The following AGBL3 variants were observed in gnomAD, a reference collection of about 807,000 sequenced individuals.
AGBL3 encodes the protein AGBL carboxypeptidase 3, also known as cytosolic carboxypeptidase 3.
Under a neutral mutation model 94.5 loss-of-function variants are expected in AGBL3, and 68 were observed. That is an observed-to-expected ratio of 0.72 (90% confidence interval 0.59 to 0.88). The LOEUF (loss-of-function observed/expected upper bound fraction) is 0.88. Among genes scored for constraint, AGBL3 ranks in the 40% least tolerant of loss-of-function variants. The pLI is 0.00. For missense variants in AGBL3, 934 were observed against 1,103.8 expected (o/e 0.85, Z 2.18); for synonymous variants, 354 against 370.7 (o/e 0.95, Z 0.52).
In AGBL3 at chr7:134,991,354, C is replaced by T. The variant is rs1025431104; in HGVS notation, c.124+2044C>T. ...TGGTTGCTTTCTTCCCTTCAGATTC[C>T]CTCCACACTGTAAGGACCCCTTTTC... On this transcript the variant is annotated intron_variant, in intron 3 of 16. Coordinates refer to ENST00000436302, the MANE Select transcript of AGBL3 (RefSeq NM_178563.4). Among the ~76,000 whole-genome samples the T allele has an allele frequency of 2.6e-5, 4 of 152,222 alleles. No homozygotes were observed. The South Asian group carries it at 8.3e-4, about 32-fold the overall frequency.
At chr7:135,121,259 T>C (rs1351065934) in intron 16 of AGBL3, among the ~76,000 whole-genome samples, 1 of 152,112 alleles carries the variant, frequency 6.6e-6, no homozygotes, top group Non-Finnish European at 1.5e-5. Flanking sequence ...CAAAAACTGA[T>C]AAAACAGAAA....
At chr7:135,098,368 C>G (rs1366812856) in intron 15 of AGBL3, among the ~76,000 whole-genome samples, 1 of 152,116 alleles carries the variant, frequency 6.6e-6, no homozygotes, top group Non-Finnish European at 1.5e-5. Context: ...ACTTATAATA[C>G]CTGATACAAT....
At chr7:135,091,805 T>C (rs112186571) in intron 15 of AGBL3, among the ~76,000 whole-genome samples, 7 of 152,296 alleles carry the variant, frequency 4.6e-5, no homozygotes, top group African/African-American at 9.6e-5. Flanking sequence ...TCTCTTAAAC[T>C]AGACTAGCTA....
At chr7:135,113,399 A>T (rs1479323550) in intron 15 of AGBL3, among the ~76,000 whole-genome samples, 1 of 152,170 alleles carries the variant, frequency 6.6e-6, no homozygotes, top group Admixed American at 6.5e-5. Flanking sequence ...TTTTCCTAGA[A>T]TATTTTAAAA....
chr7:135,070,012 AAT>A (rs1219143946), intron 12 of AGBL3, among the ~76,000 whole-genome samples: 1 of 152,208 alleles, frequency 6.6e-6, no homozygotes, highest in African/African-American at 2.4e-5. Flanking sequence ...AGAAGAATCA[AAT>A]AGACACAATA....
chr7:135,129,340 T>C lies in AGBL3; in HGVS notation c.2343-5501T>C, dbSNP rs116853510. On this transcript the variant is annotated intron_variant, in intron 16 of 16. Coordinates refer to ENST00000436302, the MANE Select transcript of AGBL3 (RefSeq NM_178563.4). ...TGTAAGGTGACTGCAGAGAAATTAA[T>C]AGACTTACTAAATGAATACCTGCAA... is the stretch of plus-strand genomic sequence containing the variant. 10,958 of 1,116,644 alleles carry C rather than the reference T, an allele frequency of 9.8e-3. 90 individuals carry two copies. Among genetic ancestry groups the C allele is most frequent in the Non-Finnish European group, 0.012 (8,480 of 727,736 alleles). 69.2% of individuals were successfully genotyped at this position (1,116,644 alleles called of 1,614,324 possible).
chr7:135,085,483 T>A (rs568408022), intron 15 of AGBL3, among the ~76,000 whole-genome samples: 2 of 152,190 alleles, frequency 1.3e-5, no homozygotes, highest in African/African-American at 2.4e-5. Context: ...TAGTTTGGGG[T>A]CTTACATTTA....
intron 1 of AGBL3, among the ~76,000 whole-genome samples, chr7:134,987,032 G>A (rs1033643769): frequency 6.6e-6 from 1 of 152,260 alleles, no homozygotes; most frequent in Non-Finnish European, 1.5e-5. Flanking sequence ...TGGAATTTAG[G>A]CCAGTCGGAT....
intron 16 of AGBL3, chr7:135,128,925 T>C: frequency 6.5e-7 from 1 of 1,530,594 alleles, no homozygotes; most frequent in Non-Finnish European, 9.1e-7. Flanking sequence ...TTTGTTCCTG[T>C]GCAATATCTG....
intron 6 of AGBL3, 150 bp from the exon 7 acceptor site, chr7:135,033,999 T>C: frequency 5.8e-6 from 4 of 690,920 alleles, no homozygotes; most frequent in Admixed American, 3.7e-5. Flanking sequence ...AAAACTTTTA[T>C]CGTTTACATT....
chr7:134,993,764 G>C, intron 4 of AGBL3, 86 bp downstream of exon 4: 1 of 1,141,716 alleles, frequency 8.8e-7, no homozygotes, highest in Non-Finnish European at 1.2e-6. Flanking sequence ...CACAATGTTA[G>C]AAAACAGCAC....
At position 134,997,345 on chromosome 7, in the gene AGBL3, G is replaced by A. The variant is rs1345625666; in HGVS notation, c.310+3667G>A. Among the ~76,000 whole-genome samples, 3 of 152,120 alleles carry A rather than the reference G, an allele frequency of 2.0e-5. No individual in the cohort carries two copies. In the East Asian group the frequency reaches 5.8e-4, roughly 29 times the overall value. On this transcript the variant is annotated intron_variant, in intron 4 of 16. Transcript: ENST00000436302. The stretch of plus-strand genomic sequence containing the variant: ...GTACTGGTCCATGGCCTCAGGGTTG[G>A]GGACACTTGCTATGCGGCAGGGTCC...
chr7:135,006,916 A>C (rs1401724524), intron 4 of AGBL3, among the ~76,000 whole-genome samples: 1 of 151,962 alleles, frequency 6.6e-6, no homozygotes, highest in Non-Finnish European at 1.5e-5. Flanking sequence ...AATAAAAAGG[A>C]ATTAAATAAC....
At chr7:135,115,650 A>G (rs1403580154) in intron 16 of AGBL3, 39 bp downstream of exon 16, 13 of 1,416,568 alleles carry the variant, frequency 9.2e-6, no homozygotes, top group Non-Finnish European at 1.1e-5. Context: ...TCTATTTAAC[A>G]CATCTTTTTT....
intron 5 of AGBL3, among the ~76,000 whole-genome samples, chr7:135,029,523 TAG>T (rs138131277): frequency 0.021 from 3,215 of 152,306 alleles, 45 homozygotes; most frequent in South Asian, 0.047. Flanking sequence ...TGAAGAGAAT[TAG>T]GGCCTTCCTC....
chr7:135,098,469 T>G (rs2116998504), intron 15 of AGBL3, among the ~76,000 whole-genome samples: 1 of 152,332 alleles, frequency 6.6e-6, no homozygotes, highest in East Asian at 1.9e-4. Context: ...AGATGCATTT[T>G]TTTCCTAAAT....
At chr7:135,004,219 T>G (rs1463683511) in intron 4 of AGBL3, among the ~76,000 whole-genome samples, 1 of 151,792 alleles carries the variant, frequency 6.6e-6, no homozygotes, top group Non-Finnish European at 1.5e-5. Context: ...TCATTTGACC[T>G]ATTATGTTGG....
At chr7:135,072,671 A>G (rs1435870406) in intron 12 of AGBL3, among the ~76,000 whole-genome samples, 1 of 151,414 alleles carries the variant, frequency 6.6e-6, no homozygotes, top group African/African-American at 2.4e-5. Context: ...AGGACAAAAA[A>G]CCAAACACCG....
intron 15 of AGBL3, chr7:135,094,229 T>A (rs548614056): frequency 1.6e-5 from 6 of 371,868 alleles, no homozygotes; most frequent in Non-Finnish European, 5.3e-6. Context: ...AAAGTCAACA[T>A]TCCTGTCCTT....
Sources: gnomAD v4.1 joint callset for allele counts (sites outside exome capture counted in the v4.1 genomes callset) on GRCh38, gnomAD v4.1.1 for gene constraint, MANE v1.5 for transcripts, NCBI Gene and HGNC (gene_info 2026-07-23, HGNC 2026-07-21) for gene names.